Variants in TJP1 observed in about 807,000 individuals in gnomAD.
TJP1 encodes the protein tight junction protein ZO-1.
TJP1 carries 43 observed loss-of-function variants against 194.2 expected under a neutral mutation model. The ratio of observed to expected loss-of-function variants is 0.22; its 90% CI spans 0.17 to 0.29. The LOEUF is 0.29. Among genes scored for constraint, TJP1 ranks in the 10% least tolerant of loss-of-function variants. TJP1 has a pLI of 1.00. For missense variants in TJP1, 1,971 were observed against 2,185.7 expected, an observed-to-expected ratio of 0.90 and a Z score of 1.96; for synonymous variants, 801 against 779.0, an observed-to-expected ratio of 1.03 and a Z score of -0.47.
chr15:29,883,879 G>C (rs1301039125), intron 2 of TJP1, among the ~76,000 whole-genome samples: 1 of 152,104 alleles, frequency 6.6e-6, no homozygotes, highest in South Asian at 2.1e-4. Flanking sequence ...AATTTACACA[G>C]GGTTTGACAG....
intron 27 of TJP1, among the ~76,000 whole-genome samples, chr15:29,701,961 A>C (rs2041575734): frequency 3.9e-5 from 6 of 152,034 alleles, no homozygotes. Flanking sequence ...TTTGTTTTTA[A>C]TTTTCAGACT....
intron 10 of TJP1, 74 bp from the exon 11 acceptor site, chr15:29,737,488 C>G (rs2151301549): frequency 6.6e-7 from 1 of 1,504,624 alleles, no homozygotes; most frequent in Non-Finnish European, 9.1e-7. Flanking sequence ...ACAGTGAAAA[C>G]TATATTCAGA....
chr15:29,885,264 G>A (rs983152804), intron 2 of TJP1, among the ~76,000 whole-genome samples: 3 of 152,168 alleles, frequency 2.0e-5, no homozygotes, highest in African/African-American at 7.2e-5. Flanking sequence ...CAATCTCCCT[G>A]GGGTCAGAAA....
At chr15:29,741,089 A>C in intron 10 of TJP1, 1 of 267,984 alleles carries the variant, frequency 3.7e-6, no homozygotes, top group Non-Finnish European at 6.9e-6. Context: ...TCTAATTCCT[A>C]ATTTAAAAGC....
chr15:29,810,270 G>A (rs1460519531), intron 1 of TJP1, among the ~76,000 whole-genome samples: 1 of 152,110 alleles, frequency 6.6e-6, no homozygotes, highest in Non-Finnish European at 1.5e-5. Flanking sequence ...AACCATACTG[G>A]GTGACAGTAA....
rs1436368861 is a variant in TJP1 at position 29,700,223 on chromosome 15, C to T, written c.*1372G>A. On this transcript the variant is annotated 3_prime_UTR_variant, in exon 28 of 28. Coordinates refer to ENST00000614355, the MANE Select transcript of TJP1 (RefSeq NM_001330239.4). ...TTAATAACGGCAAAAGAAATTCAGT[C>T]ACACCTAATGATTAACAGAATGTAG... The T allele has an allele frequency of 2.5e-6, 1 of 398,722 alleles. No individual in the cohort carries two copies. Among genetic ancestry groups the T allele is most frequent in the Non-Finnish European group, 4.4e-6 (1 of 226,032 alleles). 24.7% of individuals were successfully genotyped at this position (398,722 alleles called of 1,614,324 possible).
At chr15:29,748,961 TGTGCGCGCGC>T (rs71103408) in intron 8 of TJP1, among the ~76,000 whole-genome samples, 111,196 of 149,676 alleles carry the variant, frequency 0.74, 42,269 homozygotes, top group East Asian at 0.85. Flanking sequence ...TGTGCGCGTG[TGTGCGCGCGC>T]GCGTTTGCTA....
In TJP1 at chr15:29,718,583, C is replaced by T; in HGVS notation, c.3559G>A (p.Glu1187Lys). 2 of 1,614,186 alleles carry T rather than the reference C, an allele frequency of 1.2e-6. No homozygotes were observed. The highest frequency in any genetic ancestry group is 2.2e-5 in the East Asian group (1 of 44,868). ...TATTGCTCAAAATACTGCTTGGACTCTGCAGGCTTGGGCCCTGCTGAAGGG... is the reference window on the plus strand; with the variant it reads ...TATTGCTCAAAATACTGCTTGGACTTTGCAGGCTTGGGCCCTGCTGAAGGG... ...PHPSAGPKPA[E>K]SKQYFEQYSR... The change falls in exon 21 of 28, where the codon GAG becomes AAG. Residue 1187 changes from glutamate (E) to lysine (K), a missense_variant. Glu to Lys is a moderately conservative substitution (Grantham distance 56). Transcript: ENST00000614355.
chr15:29,780,248 G>C (rs778775811), intron 2 of TJP1, among the ~76,000 whole-genome samples: 6 of 151,904 alleles, frequency 3.9e-5, no homozygotes, highest in Non-Finnish European at 7.4e-5. Context: ...CCATATTGTA[G>C]AATCAGTGGG....
rs755942915 is a variant in TJP1, at chr15:29,720,427, G to A, written c.2694C>T (p.Tyr898=). 2.5e-6 allele frequency: 4 copies of A among 1,613,858 alleles called. No individual in the cohort carries two copies. The South Asian group carries it at 4.4e-5, about 18-fold the overall frequency. ...MHHENQTYPP[Y]SPQAQPQPIH... is the part of the protein sequence containing the mutation. ...TTGGTTGTGGCTGCGCTTGTGGTGA[G>A]TAAGGAGGATATGTTTGGTTTTCAT... Residue 898 remains tyrosine (Y), a synonymous_variant, in exon 19 of 28, where the codon TAC becomes TAT. Coordinates refer to ENST00000614355, the MANE Select transcript of TJP1 (RefSeq NM_001330239.4).
chr15:29,911,939 C>T (rs867026), intron 2 of TJP1, among the ~76,000 whole-genome samples: 31,801 of 151,976 alleles, frequency 0.21, 3,595 homozygotes, highest in African/African-American at 0.3. Flanking sequence ...TTGGGGAGTT[C>T]GCAATCCAAT....
intron 2 of TJP1, among the ~76,000 whole-genome samples, chr15:29,910,276 C>T (rs1027699764): frequency 6.6e-6 from 1 of 152,212 alleles, no homozygotes; most frequent in African/African-American, 2.4e-5. Context: ...CACTCACTTT[C>T]TCCTTTAACA....
At chr15:29,725,432 GAAGGTAGGGA>G (rs1252044269) in intron 18 of TJP1, among the ~76,000 whole-genome samples, 1 of 152,134 alleles carries the variant, frequency 6.6e-6, no homozygotes, top group Non-Finnish European at 1.5e-5. Context: ...CCAGGCAGAG[GAAGGTAGGGA>G]CCATGCGGGG....
At chr15:29,729,139 C>G (rs1057387121) in intron 15 of TJP1, 1 of 152,086 alleles carries the variant, frequency 6.6e-6, no homozygotes, top group Non-Finnish European at 1.5e-5. Flanking sequence ...GAAATGTCAT[C>G]TACAGATAAC....
intron 2 of TJP1, among the ~76,000 whole-genome samples, chr15:29,834,460 C>T (rs1596070561): frequency 6.6e-6 from 1 of 151,754 alleles, no homozygotes; most frequent in Non-Finnish European, 1.5e-5. Context: ...CCTCACAATC[C>T]ACCTGCCTTG....
intron 2 of TJP1, among the ~76,000 whole-genome samples, chr15:29,869,811 T>C (rs1479927990): frequency 3.1e-5 from 4 of 128,694 alleles, no homozygotes; most frequent in African/African-American, 1.2e-4. Context: ...TTTTTTTTTT[T>C]TTTTTTTTTT....
rs145798029 is a variant in TJP1 at position 29,944,071 on chromosome 15, AATTT to A, written c.306+12157_306+12160del. ...GTTAGAAAACAGGTACTTGACTTTA[AATTT>A]ATTTATTTATTTATTTATTTATTTT... On this transcript the variant is annotated intron_variant, in intron 2 of 28. Transcript: ENST00000356107. Among the ~76,000 whole-genome samples the A allele has an allele frequency of 3.7e-3, 562 of 151,460 alleles. 1 individual carries two copies. The highest frequency in any genetic ancestry group is 0.013 in the African/African-American group (529 of 41,334).
In TJP1 at chr15:29,956,277, T is replaced by TACAC. The variant is rs1168634538; in HGVS notation, c.260_261insGTGT (p.His88CysfsTer8). The TACAC allele has an allele frequency of 7.8e-7, 1 of 1,289,078 alleles. No individual in the cohort carries two copies. The highest frequency in any genetic ancestry group is 5.5e-5 in the East Asian group (1 of 18,028). 79.9% of individuals were successfully genotyped at this position (1,289,078 alleles called of 1,614,324 possible). A position where few individuals can be genotyped will look rare whatever the true frequency, so the allele number is the denominator to read the frequency against. Reference sequence around the variant, plus strand: ...TGCTATCAAGGCTTTTGCTTCTGTGTAATCTCCCTTTAATTCGTCTTAAAG... The same window carrying TACAC: ...TGCTATCAAGGCTTTTGCTTCTGTGTACACAATCTCCCTTTAATTCGTCTTAAAG... On this transcript the variant is annotated frameshift_variant, in exon 2 of 29. Transcript: ENST00000356107. LOFTEE classifies it high-confidence loss of function.
At position 29,761,251 on chromosome 15, in the gene TJP1, A is replaced by C. The variant is rs1188434470; in HGVS notation, c.898T>G (p.Ser300Ala). The C allele has an allele frequency of 6.2e-7, 1 of 1,613,938 alleles. No homozygotes were observed. Among genetic ancestry groups the C allele is most frequent in the East Asian group, 2.2e-5 (1 of 44,892 alleles). ...SEIQSLASDH[S>A]GRSHDRPPRR... ...GGAGGCCTATCGTGTGATCGACCAG[A>C]ATGATCTGATGCCAGTGACTGAATT... The change falls in exon 8 of 28, where the codon TCT becomes GCT. Residue 300 changes from serine to alanine, a missense_variant. Physicochemically the swap from Ser to Ala is moderately conservative, Grantham distance 99. Coordinates refer to ENST00000614355, the MANE Select transcript of TJP1 (RefSeq NM_001330239.4).
Sources: gnomAD v4.1 joint callset for allele counts (sites outside exome capture counted in the v4.1 genomes callset) on GRCh38, gnomAD v4.1.1 for gene constraint, MANE v1.5 for transcripts, NCBI Gene and HGNC (gene_info 2026-07-23, HGNC 2026-07-21) for gene names.